The following ZDHHC2 variants were observed in gnomAD, a reference collection of about 807,000 sequenced individuals.
ZDHHC2 encodes the protein zDHHC palmitoyltransferase 2.
A neutral mutation model predicts 55.6 loss-of-function variants in ZDHHC2; 51 were observed. The ratio of observed to expected loss-of-function variants is 0.92; its 90% CI spans 0.73 to 1.16. The LOEUF is 1.16. Ranked by LOEUF, ZDHHC2 falls within the 50% of genes most tolerant of loss-of-function variation. The pLI is 0.00. For synonymous variants in ZDHHC2, 199 were observed against 152.9 expected, an observed-to-expected ratio of 1.30 and a Z score of -2.22; for missense variants, 491 against 442.4, an observed-to-expected ratio of 1.11 and a Z score of -0.99.
chr8:17,175,582 C>T (rs1344593556), intron 1 of ZDHHC2, among the ~76,000 whole-genome samples: 1 of 152,180 alleles, frequency 6.6e-6, no homozygotes, highest in African/African-American at 2.4e-5. Flanking sequence ...GATGAACAGA[C>T]CTTAATAATG....
intron 3 of ZDHHC2, 96 bp downstream of exon 3, chr8:17,186,521 A>T: frequency 2.8e-6 from 2 of 724,496 alleles, no homozygotes; most frequent in Non-Finnish European, 4.2e-6. Context: ...TTGCAAACTT[A>T]TTGAGTTTAG....
At chr8:17,214,742 CA>C (rs1219925104) in intron 10 of ZDHHC2, among the ~76,000 whole-genome samples, 1 of 151,970 alleles carries the variant, frequency 6.6e-6, no homozygotes, top group African/African-American at 2.4e-5. Context: ...GTCCACTCTA[CA>C]AAAAATAAAA....
intron 7 of ZDHHC2, 124 bp downstream of exon 7, chr8:17,205,899 T>A (rs935684048): frequency 1.1e-6 from 1 of 898,126 alleles, no homozygotes. Flanking sequence ...CAGTCAGTCC[T>A]CATTATTCGC....
intron 3 of ZDHHC2, among the ~76,000 whole-genome samples, 192 bp from the exon 4 acceptor site, chr8:17,195,312 C>T (rs895327390): frequency 2.0e-5 from 3 of 152,026 alleles, no homozygotes; most frequent in Admixed American, 1.3e-4. Context: ...ATTATTATAC[C>T]CTTTTTCTAG....
At chr8:17,199,608 T>C (rs1215718024) in intron 6 of ZDHHC2, among the ~76,000 whole-genome samples, 28 of 41,670 alleles carry the variant, frequency 6.7e-4, no homozygotes, top group African/African-American at 1.6e-3. Context: ...CTTTATTCTT[T>C]CTTCTTCTTC....
chr8:17,157,630 T>A (rs915306118), intron 1 of ZDHHC2: 10 of 152,218 alleles, frequency 6.6e-5, no homozygotes, highest in Admixed American at 3.9e-4. Flanking sequence ...TTGATTATTA[T>A]GCACAAGTAG....
At chr8:17,162,102 T>G (rs946890896) in intron 1 of ZDHHC2, among the ~76,000 whole-genome samples, 1 of 152,044 alleles carries the variant, frequency 6.6e-6, no homozygotes, top group African/African-American at 2.4e-5. Flanking sequence ...GAAAGGGGAG[T>G]AAGAGAAAGG....
intron 1 of ZDHHC2, among the ~76,000 whole-genome samples, chr8:17,176,488 T>C (rs980659061): frequency 6.6e-6 from 1 of 151,262 alleles, no homozygotes; most frequent in Non-Finnish European, 1.5e-5. Context: ...CACGGTAGGA[T>C]TTAAGATAAT....
chr8:17,181,126 T>A (rs1243366758), intron 1 of ZDHHC2, among the ~76,000 whole-genome samples: 4 of 152,218 alleles, frequency 2.6e-5, no homozygotes, highest in Non-Finnish European at 5.9e-5. Flanking sequence ...AGAAATAACT[T>A]TTCTCTTGAG....
intron 1 of ZDHHC2, among the ~76,000 whole-genome samples, chr8:17,164,467 T>G (rs1300490469): frequency 6.6e-6 from 1 of 152,182 alleles, no homozygotes; most frequent in Non-Finnish European, 1.5e-5. Flanking sequence ...AAGTTTCTCC[T>G]CATGTGAAGT....
chr8:17,190,464 C>A (rs150298130), intron 3 of ZDHHC2, among the ~76,000 whole-genome samples: 9 of 152,200 alleles, frequency 5.9e-5, no homozygotes, highest in Non-Finnish European at 1.3e-4. Context: ...TTTAATTGAT[C>A]AGCTGTTAGA....
Position 17,156,830 on chromosome 8 carries a change from C to G in ZDHHC2, c.107C>G (p.Ala36Gly), listed in dbSNP as rs1267123408. 6.6e-6 allele frequency: 10 copies of G among 1,519,954 alleles called. No homozygotes were observed. The highest frequency in any genetic ancestry group is 8.8e-6 in the Non-Finnish European group (10 of 1,132,526). 94.2% of individuals were successfully genotyped at this position (1,519,954 alleles called of 1,614,324 possible). The change falls in exon 1 of 13, where the codon GCC (alanine) becomes GGC (glycine). Residue 36 changes from alanine (A) to glycine (G), a missense_variant. By Grantham distance (60) the Ala-to-Gly change is moderately conservative. Transcript: ENST00000262096. ...ITLLLGWSYYAYAIQLCIVSM... is the reference protein window; with the variant it reads ...ITLLLGWSYYGYAIQLCIVSM... ...CTCCTGCTCGGCTGGTCCTACTACG[C>G]CTACGCCATCCAGCTGTGCATAGGT...
chr8:17,169,874 C>A (rs1195032758), intron 1 of ZDHHC2, among the ~76,000 whole-genome samples: 1 of 151,974 alleles, frequency 6.6e-6, no homozygotes, highest in Non-Finnish European at 1.5e-5. Context: ...TTTAGAACTT[C>A]TCACTTACAT....
intron 1 of ZDHHC2, among the ~76,000 whole-genome samples, chr8:17,180,629 T>C (rs188927917): frequency 2.2e-3 from 330 of 152,310 alleles, no homozygotes; most frequent in Admixed American, 8.0e-3. Context: ...GTTAAGTACA[T>C]TGTTTTATTG....
intron 8 of ZDHHC2, among the ~76,000 whole-genome samples, chr8:17,209,391 G>T (rs1383477286): frequency 6.6e-6 from 1 of 152,160 alleles, no homozygotes; most frequent in African/African-American, 2.4e-5. Flanking sequence ...GGAGGGTGAG[G>T]CAGAAGAATT....
At chr8:17,199,954 A>C (rs1212002567) in intron 6 of ZDHHC2, among the ~76,000 whole-genome samples, 9 of 151,616 alleles carry the variant, frequency 5.9e-5, no homozygotes, top group African/African-American at 2.2e-4. Flanking sequence ...AGTCGGTTTC[A>C]CCATATTGGC....
chr8:17,174,136 C>T (rs1159739190), intron 1 of ZDHHC2, among the ~76,000 whole-genome samples: 2 of 150,468 alleles, frequency 1.3e-5, no homozygotes, highest in Non-Finnish European at 3.0e-5. Context: ...GTCTCCCAAT[C>T]TGGAATACAG....
chr8:17,176,420 T>G (rs1350229155), intron 1 of ZDHHC2, among the ~76,000 whole-genome samples: 1 of 152,126 alleles, frequency 6.6e-6, no homozygotes, highest in Non-Finnish European at 1.5e-5. Context: ...CAGTTTGTTG[T>G]TAGAATGACT....
Position 17,221,401 on chromosome 8 carries a change from TTTTA to T in ZDHHC2, c.*1184_*1187del, listed in dbSNP as rs1490324731. 3 of 152,534 alleles carry T rather than the reference TTTTA, an allele frequency of 2.0e-5. No homozygotes were observed. Among genetic ancestry groups the T allele is most frequent in the Non-Finnish European group, 2.9e-5 (2 of 67,972 alleles). 9.4% of individuals were successfully genotyped at this position (152,534 alleles called of 1,614,324 possible). ...GTATGCACTATTTAAAAAAAGTTTT[TTTTA>T]TTTGAGTCCAGTATAATTCATGTAA... On this transcript the variant is annotated 3_prime_UTR_variant, in exon 13 of 13. Transcript: ENST00000262096.
Sources: allele counts gnomAD v4.1 joint callset (sites outside exome capture counted in the v4.1 genomes callset), GRCh38; gene constraint gnomAD v4.1.1; transcripts MANE v1.5; gene names NCBI Gene and HGNC (gene_info 2026-07-23, HGNC 2026-07-21).